Variants in CBARP observed in about 807,000 individuals in gnomAD.
CBARP encodes CACN subunit beta associated regulatory protein.
Under a neutral mutation model 36.3 loss-of-function variants are expected in CBARP, and 24 were observed. The ratio of observed to expected loss-of-function variants is 0.66; its 90% CI spans 0.48 to 0.93. The LOEUF is 0.93. Ranked by LOEUF, CBARP falls within the 40% of genes least tolerant of loss-of-function variation. The pLI is 0.00. For missense variants in CBARP, 1,146 were observed against 980.4 expected, an observed-to-expected ratio of 1.17 and a Z score of -2.26; for synonymous variants, 586 against 453.2, an observed-to-expected ratio of 1.29 and a Z score of -3.72.
intron 9 of CBARP, 30 bp downstream of exon 9, chr19:1,231,071 C>G: frequency 6.3e-7 from 1 of 1,587,018 alleles, no homozygotes; most frequent in Non-Finnish European, 8.6e-7. Flanking sequence ...CACAGGTCCA[C>G]CCCTAGCACC....
chr19:1,232,031 G>A (rs954108516), intron 8 of CBARP, among the ~76,000 whole-genome samples: 1 of 152,074 alleles, frequency 6.6e-6, no homozygotes, highest in Non-Finnish European at 1.5e-5. Context: ...ACGAGGAGAG[G>A]GAGAGAGGTG....
In CBARP at chr19:1,229,680, G is replaced by C; in HGVS notation, c.1617C>G (p.Asp539Glu). Residue 539 changes from aspartate to glutamate, a missense_variant, in exon 10 of 10, where the codon GAC becomes GAG. Asp to Glu is a conservative substitution (Grantham distance 45). Transcript: ENST00000650044. This position sits in a 1 kb window ranked among gnomAD's most constrained non-coding sequence, Gnocchi z 5.1. ...CGTCCGTCTTCTCGTCGATGCTGTAGTCGCGGCGCGGGCGGCGGGGCCAGG... is the reference window on the plus strand; with the variant it reads ...CGTCCGTCTTCTCGTCGATGCTGTACTCGCGGCGCGGGCGGCGGGGCCAGG... ...PRAWPRRPRR[D>E]YSIDEKTDAL... 1 of 1,085,182 alleles carries C rather than the reference G, an allele frequency of 9.2e-7. No individual in the cohort carries two copies. Among genetic ancestry groups the C allele is most frequent in the Non-Finnish European group, 1.1e-6 (1 of 882,038 alleles). The allele number at this position is 1,085,182 out of a possible 1,614,324, so 67.2% of individuals were successfully genotyped here. A position where few individuals can be genotyped will look rare whatever the true frequency, so the allele number is the denominator to read the frequency against.
At chr19:1,234,364 G>A in intron 6 of CBARP, 33 bp from the exon 7 acceptor site, 5 of 1,438,690 alleles carry the variant, frequency 3.5e-6, no homozygotes, top group Non-Finnish European at 4.6e-6. Flanking sequence ...GGAGGAAGCA[G>A]TGACAGGTCA....
chr19:1,229,709 G>A lies in CBARP; in HGVS notation c.1588C>T (p.Arg530Cys), dbSNP rs981004586. The change falls in exon 10 of 10, where the codon CGC (arginine) becomes TGC (cysteine). Residue 530 changes from arginine to cysteine, a missense_variant. Physicochemically the swap from Arg to Cys is radical, Grantham distance 180 (BLOSUM62 -3). Coordinates refer to ENST00000650044, the MANE Select transcript of CBARP (RefSeq NM_001393918.1). The surrounding 1 kb of genome is among the most constrained non-coding windows in gnomAD (Gnocchi z 5.1). Reference sequence around the variant, plus strand: ...CGGCGCGGGCGGCGGGGCCAGGCGCGCGGGCTGCGGGGCCGGGCGGGCGCG... The same window carrying A: ...CGGCGCGGGCGGCGGGGCCAGGCGCACGGGCTGCGGGGCCGGGCGGGCGCG... ...PAAPARPRSPRAWPRRPRRDY... is the reference protein window; with the variant it reads ...PAAPARPRSPCAWPRRPRRDY... The A allele has an allele frequency of 2.0e-6, 2 of 991,618 alleles. No individual in the cohort carries two copies. The highest frequency in any genetic ancestry group is 3.7e-5 in the South Asian group (1 of 26,734). 61.4% of individuals were successfully genotyped at this position (991,618 alleles called of 1,614,324 possible).
intron 7 of CBARP, 58 bp downstream of exon 7, chr19:1,234,133 G>T: frequency 1.4e-6 from 2 of 1,433,768 alleles, no homozygotes; most frequent in Non-Finnish European, 1.8e-6. Context: ...CTGGGGACAG[G>T]GAGGGGAAGG....
rs371405447 is a variant in CBARP at position 1,234,249 on chromosome 19, G to A, written c.710C>T (p.Ala237Val). 541 of 1,483,948 alleles carry A rather than the reference G, an allele frequency of 3.6e-4. 2 individuals carry two copies. The highest frequency in any genetic ancestry group is 4.1e-4 in the Non-Finnish European group (459 of 1,118,572). The allele number at this position is 1,483,948 out of a possible 1,614,324, so 91.9% of individuals were successfully genotyped here. Residue 237 changes from alanine to valine, a missense_variant, in exon 7 of 10, where the codon GCC becomes GTC. By Grantham distance (64) the Ala-to-Val change is moderately conservative. Transcript: ENST00000650044. ...PGDPYNSAAG[A>V]TDFAEISPSA... ...GGGGCTGATCTCTGCGAAGTCAGTGGCGCCCGCGGCTGAGTTGTAGGGGTC... is the reference window on the plus strand; with the variant it reads ...GGGGCTGATCTCTGCGAAGTCAGTGACGCCCGCGGCTGAGTTGTAGGGGTC...
At chr19:1,233,775 G>A (rs754778657) in intron 7 of CBARP, 139 bp from the exon 8 acceptor site, 67 of 850,108 alleles carry the variant, frequency 7.9e-5, no homozygotes, top group Non-Finnish European at 1.1e-4. Context: ...CTCGGAGAGG[G>A]GCAGAAGCGG....
chr19:1,231,085 A>G lies in CBARP; in HGVS notation c.1154+16T>C, dbSNP rs1004808615. 1.3e-6 allele frequency: 2 copies of G among 1,592,426 alleles called. No homozygotes were observed. The highest frequency in any genetic ancestry group is 1.7e-6 in the Non-Finnish European group (2 of 1,167,574). On this transcript the variant is annotated intron_variant, in intron 9 of 9. Coordinates refer to ENST00000650044, the MANE Select transcript of CBARP (RefSeq NM_001393918.1). ...CCACAGGTCCACCCCTAGCACCTCCATCTACTGAAAAATACCTGCCGAGAG... is the reference window on the plus strand; with the variant it reads ...CCACAGGTCCACCCCTAGCACCTCCGTCTACTGAAAAATACCTGCCGAGAG...
Position 1,233,648 on chromosome 19 carries a change from C to T in CBARP, c.769-12G>A, listed in dbSNP as rs775879717. 6.2e-6 allele frequency: 10 copies of T among 1,602,630 alleles called. No homozygotes were observed. In the Admixed American group the frequency reaches 1.5e-4, roughly 24 times the overall value. On this transcript the variant is annotated splice_polypyrimidine_tract_variant and intron_variant, in intron 7 of 9. Transcript: ENST00000650044. ...GTACCGGCATCCAACTGGCAGGGAA[C>T]AGAGATGGCGCTCAGGCTAAGACTT...
rs1045644718 is a variant in CBARP, at chr19:1,234,184, C to T, written c.768+7G>A. 2 of 1,512,462 alleles carry T rather than the reference C, an allele frequency of 1.3e-6. No homozygotes were observed. The highest frequency in any genetic ancestry group is 1.3e-5 in the South Asian group (1 of 74,902). The allele number at this position is 1,512,462 out of a possible 1,614,324, so 93.7% of individuals were successfully genotyped here. On this transcript the variant is annotated splice_region_variant and intron_variant, in intron 7 of 9. Transcript: ENST00000650044. ...GGACACCATGGGGGACACGCAGGGGCCCTCACCGAGGTGCCTTCCCCAGAG... is the reference window on the plus strand; with the variant it reads ...GGACACCATGGGGGACACGCAGGGGTCCTCACCGAGGTGCCTTCCCCAGAG...
In CBARP at chr19:1,233,572, G is replaced by A. The variant is rs145358826; in HGVS notation, c.833C>T (p.Ala278Val). Residue 278 changes from alanine to valine, a missense_variant, in exon 8 of 10, where the codon GCG becomes GTG. Physicochemically the swap from Ala to Val is moderately conservative, Grantham distance 64. Coordinates refer to ENST00000650044, the MANE Select transcript of CBARP (RefSeq NM_001393918.1). Reference protein sequence around the residue: ...GPGAAAGPGEAGPGSGAGTVL... With the variant: ...GPGAAAGPGEVGPGSGAGTVL... ...GGTACCTGCCCCGGATCCCGGGCCCGCCTCCCCAGGCCCTGCTGCAGCCCC... is the reference window on the plus strand; with the variant it reads ...GGTACCTGCCCCGGATCCCGGGCCCACCTCCCCAGGCCCTGCTGCAGCCCC... 1.9e-4 allele frequency: 307 copies of A among 1,610,256 alleles called. No homozygotes were observed. In the African/African-American group the frequency reaches 3.5e-3, roughly 18 times the overall value.
At position 1,235,971 on chromosome 19, in the gene CBARP, C is replaced by T. The variant is rs201637344; in HGVS notation, c.105+25G>A. On this transcript the variant is annotated intron_variant, in intron 2 of 9. Transcript: ENST00000650044. ...CTGCTGGCCTGGACGACCTCCTGCC[C>T]CTCCCACCTGTCCCCTGCACCCACC... is the stretch of plus-strand genomic sequence containing the variant. The T allele has an allele frequency of 3.8e-4, 596 of 1,583,432 alleles. 8 individuals carry two copies. The African/African-American group carries it at 7.1e-3, about 19-fold the overall frequency.
chr19:1,231,248 C>G lies in CBARP; in HGVS notation c.1007G>C (p.Arg336Pro), dbSNP rs895942094. ...RGSPKRHHFQ[R>P]QRAASESTEQ... is the part of the protein sequence containing the mutation. ...CGTGCTCTCACTGGCTGCCCGCTGCCGCTGGAAGTGGTGCCGCTTGGGGGA... is the reference window on the plus strand; with the variant it reads ...CGTGCTCTCACTGGCTGCCCGCTGCGGCTGGAAGTGGTGCCGCTTGGGGGA... Residue 336 changes from arginine (R) to proline (P), a missense_variant, in exon 9 of 10, where the codon CGG becomes CCG. Transcript: ENST00000650044. 5 of 1,601,772 alleles carry G rather than the reference C, an allele frequency of 3.1e-6. No individual in the cohort carries two copies. Among genetic ancestry groups the G allele is most frequent in the Non-Finnish European group, 3.4e-6 (4 of 1,179,558 alleles).
chr19:1,232,861 G>A (rs972795408), intron 8 of CBARP, among the ~76,000 whole-genome samples: 1 of 152,220 alleles, frequency 6.6e-6, no homozygotes, highest in Non-Finnish European at 1.5e-5. Flanking sequence ...ACCACCATCC[G>A]GGGCCTGATG....
intron 1 of CBARP, 123 bp from the exon 2 acceptor site, chr19:1,236,244 G>A (rs2080971280): frequency 1.6e-6 from 2 of 1,289,222 alleles, no homozygotes; most frequent in African/African-American, 1.5e-5. Context: ...CTCATGGAGA[G>A]GTAGCAGAGC....
chr19:1,235,937 G>T lies in CBARP; in HGVS notation c.106-19C>A, dbSNP rs370089708. The T allele has an allele frequency of 2.3e-5, 37 of 1,602,212 alleles. 1 individual carries two copies. Among genetic ancestry groups the T allele is most frequent in the South Asian group, 1.8e-4 (16 of 90,234 alleles). Reference sequence around the variant, plus strand: ...GCTCTGCCTGCGGGTGTGCAGGGGGGGTCAGGTGCTGCTGGCCTGGACGAC... The same window carrying T: ...GCTCTGCCTGCGGGTGTGCAGGGGGTGTCAGGTGCTGCTGGCCTGGACGAC... On this transcript the variant is annotated intron_variant, in intron 2 of 9. Transcript: ENST00000650044.
At chr19:1,232,900 C>T (rs778730042) in intron 8 of CBARP, among the ~76,000 whole-genome samples, 1 of 152,266 alleles carries the variant, frequency 6.6e-6, no homozygotes, top group African/African-American at 2.4e-5. Context: ...CTGGCCCAGT[C>T]CAACACTTAC....
chr19:1,233,385 A>G, intron 8 of CBARP, 41 bp downstream of exon 8: 1 of 1,520,778 alleles, frequency 6.6e-7, no homozygotes, highest in Non-Finnish European at 8.9e-7. Context: ...GCCAGCACCC[A>G]GCCCACAGGG....
intron 1 of CBARP, among the ~76,000 whole-genome samples, chr19:1,237,381 C>T (rs2080990013): frequency 6.6e-6 from 1 of 150,704 alleles, no homozygotes; most frequent in South Asian, 2.1e-4. Context: ...GGCAGGAGGC[C>T]GAGGGGAAGA....
Sources: gnomAD v4.1 joint callset for allele counts (sites outside exome capture counted in the v4.1 genomes callset) on GRCh38, gnomAD v4.1.1 for gene constraint, Gnocchi (gnomAD v3.1) non-coding constraint, MANE v1.5 for transcripts, NCBI Gene and HGNC (gene_info 2026-07-23, HGNC 2026-07-21) for gene names.